MALRD1: variants seen among roughly 807,000 people sequenced by gnomAD.
MALRD1 encodes MAM and LDL receptor class A domain containing 1.
In MALRD1, 247 loss-of-function variants were observed where a neutral mutation model predicts 242.1. The observed-to-expected ratio is 1.02, with a 90% CI of 0.92 to 1.13. MALRD1 has a LOEUF of 1.13. MALRD1 is among the 50% of genes most tolerant of loss of function. The pLI, the probability that MALRD1 is intolerant of heterozygous loss-of-function variation, is 0.00. For missense variants in MALRD1, 2,989 were observed against 2,533.1 expected (o/e 1.18, Z -3.86); for synonymous variants, 995 against 866.6 (o/e 1.15, Z -2.60).
intron 29 of MALRD1, among the ~76,000 whole-genome samples, chr10:19,472,869 C>T (rs78494463): frequency 0.022 from 3,281 of 151,330 alleles, 104 homozygotes; most frequent in African/African-American, 0.076. Context: ...ATTTTTGTCT[C>T]ATTCCCTGTA....
At chr10:19,050,535 A>G (rs1468689746) in intron 1 of MALRD1, among the ~76,000 whole-genome samples, 2 of 152,212 alleles carry the variant, frequency 1.3e-5, no homozygotes, top group Non-Finnish European at 2.9e-5. Flanking sequence ...CAGAAGAGTG[A>G]TTACTGAAGA....
intron 2 of MALRD1, among the ~76,000 whole-genome samples, chr10:19,085,411 T>C (rs10508574): frequency 0.54 from 81,743 of 151,786 alleles, 22,182 homozygotes; most frequent in Middle Eastern, 0.6. Context: ...AAAAAAATTG[T>C]GATTGTCACT....
intron 36 of MALRD1, among the ~76,000 whole-genome samples, chr10:19,620,606 A>G (rs1839358734): frequency 1.3e-5 from 2 of 151,940 alleles, no homozygotes; most frequent in African/African-American, 4.8e-5. Context: ...GGACTATGAA[A>G]TTTTTCAAAA....
intron 18 of MALRD1, among the ~76,000 whole-genome samples, chr10:19,256,167 A>G (rs1770653613): frequency 6.6e-6 from 1 of 151,908 alleles, no homozygotes; most frequent in Non-Finnish European, 1.5e-5. Context: ...ATTTATTTTT[A>G]TTTACCCTAG....
intron 38 of MALRD1, among the ~76,000 whole-genome samples, chr10:19,699,350 A>G (rs1405652755): frequency 6.9e-6 from 1 of 145,528 alleles, no homozygotes; most frequent in Admixed American, 6.7e-5. Context: ...AAATTGTACT[A>G]TGTCTCAGTT....
chr10:19,165,504 G>T, intron 12 of MALRD1, 133 bp from the exon 13 acceptor site: 1 of 570,518 alleles, frequency 1.8e-6, no homozygotes. Context: ...GGTGTTTCAT[G>T]CCTGTAATCC....
intron 36 of MALRD1, among the ~76,000 whole-genome samples, chr10:19,664,303 C>G (rs1589375221): frequency 6.6e-6 from 1 of 151,954 alleles, no homozygotes. Context: ...AATTTAATTT[C>G]TTTTGCTTTG....
intron 38 of MALRD1, among the ~76,000 whole-genome samples, chr10:19,703,961 A>G (rs1020466833): frequency 6.6e-6 from 1 of 152,208 alleles, no homozygotes; most frequent in Non-Finnish European, 1.5e-5. Flanking sequence ...TAAGCCGTTT[A>G]TTCTTACCTT....
At chr10:19,220,240 TGTTATAGAATA>T in intron 18 of MALRD1, among the ~76,000 whole-genome samples, 1 of 152,104 alleles carries the variant, frequency 6.6e-6, no homozygotes, top group South Asian at 2.1e-4. Flanking sequence ...CAAAATAATT[TGTTATAGAATA>T]GCCTATGTAG....
chr10:19,469,629 A>T (rs1273121135), intron 29 of MALRD1, among the ~76,000 whole-genome samples: 1 of 151,876 alleles, frequency 6.6e-6, no homozygotes, highest in Non-Finnish European at 1.5e-5. Context: ...GTAATAAGAA[A>T]CCTCATCCAC....
intron 18 of MALRD1, among the ~76,000 whole-genome samples, chr10:19,243,848 A>T (rs1838920040): frequency 6.6e-6 from 1 of 152,174 alleles, no homozygotes; most frequent in Admixed American, 6.6e-5. Context: ...AGAGGCTGAA[A>T]ACAAAGTATG....
chr10:19,397,558 A>T (rs879699603), intron 28 of MALRD1, among the ~76,000 whole-genome samples: 2 of 152,156 alleles, frequency 1.3e-5, no homozygotes, highest in Non-Finnish European at 2.9e-5. Flanking sequence ...GAGAGGACAG[A>T]TATCTCAACC....
At chr10:19,719,219 C>CATATATATATATATATATATATAT (rs1290415118) in intron 38 of MALRD1, among the ~76,000 whole-genome samples, 2 of 30,308 alleles carry the variant, frequency 6.6e-5, no homozygotes, top group Non-Finnish European at 1.7e-4. Flanking sequence ...TATACACATA[C>CATATATATATATATATATATATAT]ATACATATAT....
At chr10:19,671,896 T>C (rs750576518) in intron 36 of MALRD1, among the ~76,000 whole-genome samples, 3 of 152,166 alleles carry the variant, frequency 2.0e-5, no homozygotes, top group Non-Finnish European at 4.4e-5. Context: ...CAACCTTTCT[T>C]TGGTAGCAAT....
At chr10:19,164,574 C>A (rs1466486978) in intron 12 of MALRD1, among the ~76,000 whole-genome samples, 1 of 151,968 alleles carries the variant, frequency 6.6e-6, no homozygotes, top group African/African-American at 2.4e-5. Flanking sequence ...TGAGAAGAGG[C>A]AAAAACATTT....
chr10:19,281,931 C>G (rs1003580084), intron 20 of MALRD1, among the ~76,000 whole-genome samples: 2 of 132,516 alleles, frequency 1.5e-5, no homozygotes, highest in African/African-American at 2.9e-5. Context: ...CCAATGCACT[C>G]TGGCCTGGAT....
chr10:19,533,373 A>G (rs1834514124), intron 32 of MALRD1, among the ~76,000 whole-genome samples: 1 of 152,196 alleles, frequency 6.6e-6, no homozygotes, highest in African/African-American at 2.4e-5. Context: ...AGAGAGGTCT[A>G]CTAGAAAGAA....
chr10:19,542,391 A>G (rs1183459672), intron 32 of MALRD1, among the ~76,000 whole-genome samples: 1 of 152,016 alleles, frequency 6.6e-6, no homozygotes, highest in East Asian at 1.9e-4. Flanking sequence ...CTGTCATAAA[A>G]TAACAAAATA....
chr10:19,295,933 G>T (rs1438887445), intron 21 of MALRD1, among the ~76,000 whole-genome samples: 1 of 152,150 alleles, frequency 6.6e-6, no homozygotes, highest in African/African-American at 2.4e-5. Flanking sequence ...TGCTACAGAT[G>T]TGGGAACCTC....
Sources: allele counts gnomAD v4.1 joint callset (sites outside exome capture counted in the v4.1 genomes callset), GRCh38; gene constraint gnomAD v4.1.1; transcripts MANE v1.5; gene names NCBI Gene and HGNC (gene_info 2026-07-23, HGNC 2026-07-21).